The following RAPGEF6 variants were observed in gnomAD, a reference collection of about 807,000 sequenced individuals.
The protein encoded by RAPGEF6 is Rap guanine nucleotide exchange factor 6.
Under a neutral mutation model 171.4 loss-of-function variants are expected in RAPGEF6, and 56 were observed. The ratio of observed to expected loss-of-function variants is 0.33; its 90% CI spans 0.26 to 0.41. RAPGEF6 has a LOEUF of 0.41. RAPGEF6 is among the 10% of genes least tolerant of loss of function. RAPGEF6 has a pLI of 1.00. For synonymous variants in RAPGEF6, 692 were observed against 650.1 expected, an observed-to-expected ratio of 1.06 and a Z score of -0.98; for missense variants, 1,674 against 1,921.4, an observed-to-expected ratio of 0.87 and a Z score of 2.41.
chr5:131,495,342 A>T (rs13164548), intron 13 of RAPGEF6, among the ~76,000 whole-genome samples: 1 of 149,436 alleles, frequency 6.7e-6, no homozygotes, highest in Non-Finnish European at 1.5e-5. Context: ...TATAAATAAA[A>T]AATAAATGGA....
At chr5:131,541,885 A>G (rs1760177699) in intron 6 of RAPGEF6, among the ~76,000 whole-genome samples, 1 of 152,212 alleles carries the variant, frequency 6.6e-6, no homozygotes, top group South Asian at 2.1e-4. Flanking sequence ...CTACTATCAG[A>G]TAGGCCTACA....
intron 21 of RAPGEF6, among the ~76,000 whole-genome samples, chr5:131,449,668 C>T (rs571527560): frequency 2.6e-5 from 4 of 152,208 alleles, no homozygotes; most frequent in African/African-American, 7.2e-5. Flanking sequence ...AAAAGTATCT[C>T]CTTTATAGGG....
intron 6 of RAPGEF6, among the ~76,000 whole-genome samples, chr5:131,545,764 T>A (rs1050869790): frequency 6.6e-6 from 1 of 152,214 alleles, no homozygotes; most frequent in East Asian, 1.9e-4. Flanking sequence ...AAACAGCACA[T>A]GTACCTAACA....
chr5:131,570,041 C>CAAAAA (rs34729268), intron 4 of RAPGEF6, among the ~76,000 whole-genome samples: 2 of 27,488 alleles, frequency 7.3e-5, no homozygotes, highest in African/African-American at 3.7e-4. Flanking sequence ...GACTCTGTCT[C>CAAAAA]AAAAAAAAAA....
At chr5:131,471,401 A>G (rs1754727327) in intron 17 of RAPGEF6, among the ~76,000 whole-genome samples, 1 of 152,234 alleles carries the variant, frequency 6.6e-6, no homozygotes. Flanking sequence ...TTAAGTTGCT[A>G]TAATAAAACA....
At chr5:131,579,185 G>A (rs1762780743) in intron 4 of RAPGEF6, among the ~76,000 whole-genome samples, 1 of 152,164 alleles carries the variant, frequency 6.6e-6, no homozygotes, top group African/African-American at 2.4e-5. Flanking sequence ...GTCTGGAGTT[G>A]TTCATTCCTG....
At chr5:131,550,985 ATAT>A (rs1314602794) in intron 5 of RAPGEF6, among the ~76,000 whole-genome samples, 1 of 152,220 alleles carries the variant, frequency 6.6e-6, no homozygotes, top group Non-Finnish European at 1.5e-5. Context: ...GTATTATGTA[ATAT>A]TATATTCATC....
At chr5:131,465,937 C>T (rs529901751) in intron 17 of RAPGEF6, among the ~76,000 whole-genome samples, 1 of 151,836 alleles carries the variant, frequency 6.6e-6, no homozygotes, top group Admixed American at 6.6e-5. Flanking sequence ...CACTGTTAGC[C>T]TTTAGAGGAA....
At chr5:131,457,164 T>C (rs1231364993) in intron 19 of RAPGEF6, among the ~76,000 whole-genome samples, 1 of 152,188 alleles carries the variant, frequency 6.6e-6, no homozygotes, top group Non-Finnish European at 1.5e-5. Flanking sequence ...CAGGGTCAAG[T>C]GATTCTTGTG....
chr5:131,459,813 G>A (rs1051690734), intron 19 of RAPGEF6, among the ~76,000 whole-genome samples: 2 of 152,162 alleles, frequency 1.3e-5, no homozygotes, highest in Non-Finnish European at 2.9e-5. Context: ...AAAGGTAACA[G>A]TATCTCTGGG....
At chr5:131,555,746 ATG>A (rs1234530387) in intron 5 of RAPGEF6, among the ~76,000 whole-genome samples, 1 of 96,696 alleles carries the variant, frequency 1.0e-5, no homozygotes, top group Non-Finnish European at 2.2e-5. Context: ...ATTTATGTAT[ATG>A]TGTTATGTTA....
intron 7 of RAPGEF6, among the ~76,000 whole-genome samples, chr5:131,515,196 GC>G (rs754708718): frequency 2.6e-5 from 4 of 152,204 alleles, no homozygotes; most frequent in Non-Finnish European, 4.4e-5. Context: ...CAAGTGTTAA[GC>G]CTTAGACTTT....
chr5:131,428,894 C>G lies in RAPGEF6; in HGVS notation c.4780+8G>C, dbSNP rs971486697. 2.5e-6 allele frequency: 4 copies of G among 1,609,548 alleles called. No homozygotes were observed. The highest frequency in any genetic ancestry group is 3.4e-6 in the Non-Finnish European group (4 of 1,176,466). On this transcript the variant is annotated splice_region_variant and intron_variant, in intron 27 of 27. Coordinates refer to ENST00000509018, the MANE Select transcript of RAPGEF6 (RefSeq NM_016340.6). ...TTTAAGAGCCTTTAAGAGAGCTTGT[C>G]AACATACCATCTGCTTCGCTATCTG...
chr5:131,592,471 TTAAA>T lies in RAPGEF6; in HGVS notation c.198-9_198-6del, dbSNP rs746552774. On this transcript the variant is annotated splice_region_variant and splice_polypyrimidine_tract_variant and intron_variant, in intron 3 of 27. Coordinates refer to ENST00000509018, the MANE Select transcript of RAPGEF6 (RefSeq NM_016340.6). ...CATCTGGCAATCGTTTCTGAACTGT[TTAAA>T]TAAATAAGTAAATAAATGAGCAAAA... is the stretch of plus-strand genomic sequence containing the variant. 3 of 1,611,924 alleles carry T rather than the reference TTAAA, an allele frequency of 1.9e-6. No individual in the cohort carries two copies. Among genetic ancestry groups the T allele is most frequent in the East Asian group, 2.2e-5 (1 of 44,708 alleles).
Position 131,426,054 on chromosome 5 carries a change from A to G in RAPGEF6, c.*1212T>C, listed in dbSNP as rs1266441264. ...GTAAACAGTCACTGAAATTTTAATT[A>G]AGAGTGCCATACCCATGAGGCTGGA... On this transcript the variant is annotated 3_prime_UTR_variant, in exon 28 of 28. Transcript: ENST00000509018. The G allele has an allele frequency of 2.0e-5, 3 of 152,256 alleles. No homozygotes were observed. The highest frequency in any genetic ancestry group is 4.4e-5 in the Non-Finnish European group (3 of 68,036). 9.4% of individuals were successfully genotyped at this position (152,256 alleles called of 1,614,324 possible).
In RAPGEF6 at chr5:131,489,623, T is replaced by G. The variant is rs770429707; in HGVS notation, c.1763A>C (p.Asn588Thr). 2 of 1,588,664 alleles carry G rather than the reference T, an allele frequency of 1.3e-6. No individual in the cohort carries two copies. Among genetic ancestry groups the G allele is most frequent in the African/African-American group, 2.7e-5 (2 of 74,042 alleles). ...TTCAACGGCTTTCATAAATGTAATA[T>G]TCTCAAAGTTTTGTCCATTTACTTC... Reference protein sequence around the residue: ...IMEVNGQNFENITFMKAVEIL... With the variant: ...IMEVNGQNFETITFMKAVEIL... The change falls in exon 15 of 28, where the codon AAT becomes ACT. Residue 588 changes from asparagine to threonine, a missense_variant. Asn to Thr is a moderately conservative substitution (Grantham distance 65, BLOSUM62 0). This residue lies in a region of RAPGEF6 where 1,116 missense variants were observed against 1,321.5 expected (regional missense o/e 0.84). Coordinates refer to ENST00000509018, the MANE Select transcript of RAPGEF6 (RefSeq NM_016340.6).
At chr5:131,632,075 CAA>C (rs529399752) in intron 1 of RAPGEF6, among the ~76,000 whole-genome samples, 909 of 63,676 alleles carry the variant, frequency 0.014, 1 homozygote, top group Non-Finnish European at 0.025. Context: ...GACTCTGTCT[CAA>C]AAAAAAAAAA....
chr5:131,601,041 G>A (rs1764213317), intron 3 of RAPGEF6, among the ~76,000 whole-genome samples: 1 of 148,310 alleles, frequency 6.7e-6, no homozygotes, highest in Admixed American at 6.8e-5. Context: ...CTTGAGCCTA[G>A]GAGTTCAAGA....
At chr5:131,621,803 G>A (rs960247281) in intron 1 of RAPGEF6, among the ~76,000 whole-genome samples, 3 of 151,864 alleles carry the variant, frequency 2.0e-5, no homozygotes, top group Non-Finnish European at 2.9e-5. Flanking sequence ...AGATATGGAG[G>A]GCCAACTGTA....
Sources: gnomAD v4.1 joint callset for allele counts (sites outside exome capture counted in the v4.1 genomes callset) on GRCh38, gnomAD v4.1.1 for gene constraint, gnomAD v4.1.1 regional missense constraint, MANE v1.5 for transcripts, NCBI Gene and HGNC (gene_info 2026-07-23, HGNC 2026-07-21) for gene names.